The following CPOX variants were observed in gnomAD, a reference collection of about 807,000 sequenced individuals.
CPOX encodes the protein coproporphyrinogen oxidase, also known as oxygen-dependent coproporphyrinogen-III oxidase, mitochondrial.
A neutral mutation model predicts 48.9 loss-of-function variants in CPOX; 24 were observed. The observed-to-expected ratio is 0.49, with a 90% CI of 0.36 to 0.69. The LOEUF is 0.69. CPOX is among the 30% of genes least tolerant of loss of function. The pLI, the probability that CPOX is intolerant of heterozygous loss-of-function variation, is 0.00. For synonymous variants in CPOX, 249 were observed against 234.6 expected (o/e 1.06, Z -0.56); for missense variants, 549 against 597.3 (o/e 0.92, Z 0.84).
In CPOX at chr3:98,593,277, T is replaced by C. The variant is rs1442789444; in HGVS notation, c.228A>G (p.Thr76=). The C allele has an allele frequency of 6.8e-7, 1 of 1,476,112 alleles. No individual in the cohort carries two copies. Among genetic ancestry groups the C allele is most frequent in the East Asian group, 2.4e-5 (1 of 41,294 alleles). 91.4% of individuals were successfully genotyped at this position (1,476,112 alleles called of 1,614,324 possible). A position where few individuals can be genotyped will look rare whatever the true frequency, so the allele number is the denominator to read the frequency against. Residue 76 remains threonine (T), a synonymous_variant, in exon 1 of 7, where the codon ACA becomes ACG. Transcript: ENST00000647941. ...STSRGGPWVG[T]GLAAALAGLV... ...ACCCCGCCAGCGCCGCGGCCAGCCC[T>C]GTCCCCACCCAGGGGCCGCCTCTCG...
In CPOX at chr3:98,591,239, C is replaced by G. The variant is rs1334368737; in HGVS notation, c.557-84G>C. On this transcript the variant is annotated intron_variant, in intron 1 of 6. Coordinates refer to ENST00000647941, the MANE Select transcript of CPOX (RefSeq NM_000097.7). ...ACACTTGCATGAAGATGGTTATTTTCCCGTTTCCCAAATCTTTTATATCAG... is the reference window on the plus strand; with the variant it reads ...ACACTTGCATGAAGATGGTTATTTTGCCGTTTCCCAAATCTTTTATATCAG... 9.7e-6 allele frequency: 14 copies of G among 1,448,754 alleles called. No individual in the cohort carries two copies. In the African/African-American group the frequency reaches 2.0e-4, roughly 20 times the overall value. The allele number at this position is 1,448,754 out of a possible 1,614,324, so 89.7% of individuals were successfully genotyped here. A position where few individuals can be genotyped will look rare whatever the true frequency, so the allele number is the denominator to read the frequency against.
Position 98,580,236 on chromosome 3 carries a change from G to C in CPOX, c.*447C>G. 1 of 993,414 alleles carries C rather than the reference G, an allele frequency of 1.0e-6. No homozygotes were observed. Among genetic ancestry groups the C allele is most frequent in the African/African-American group, 1.7e-5 (1 of 57,330 alleles). The allele number at this position is 993,414 out of a possible 1,614,324, so 61.5% of individuals were successfully genotyped here. A position where few individuals can be genotyped will look rare whatever the true frequency, so the allele number is the denominator to read the frequency against. ...GACAAAGTAAAATTTTTACCTTCAA[G>C]TTGCATTCTAAAATTACTATGAAGT... On this transcript the variant is annotated 3_prime_UTR_variant, in exon 7 of 7. Coordinates refer to ENST00000647941, the MANE Select transcript of CPOX (RefSeq NM_000097.7).
chr3:98,576,059 T>C (rs1576294478), downstream of CPOX, among the ~76,000 whole-genome samples: 2 of 82,848 alleles, frequency 2.4e-5, no homozygotes, highest in Non-Finnish European at 4.3e-5. Flanking sequence ...GCAACAAGAG[T>C]GAAACTCTGC....
rs905315847 is a variant in CPOX, at chr3:98,593,314, T to A, written c.191A>T (p.His64Leu). The change falls in exon 1 of 7, where the codon CAC becomes CTC. Residue 64 changes from histidine to leucine, a missense_variant. By Grantham distance (99) the His-to-Leu change is moderately conservative (BLOSUM62 -3). Around this residue, in one of 2 missense-constraint regions of CPOX, gnomAD observed 336 missense variants for 318.1 expected, o/e 1.06. Coordinates refer to ENST00000647941, the MANE Select transcript of CPOX (RefSeq NM_000097.7). ...GGGGCCGCCTCTCGACGTCGAGCCG[T>A]GCCCCAGCCCGCGGCTCTGCTCCGT... The part of the protein sequence containing the change: ...AGTEQSRGLG[H>L]GSTSRGGPWV... 7.0e-7 allele frequency: 1 copy of A among 1,436,334 alleles called. No individual in the cohort carries two copies. Among genetic ancestry groups the A allele is most frequent in the African/African-American group, 1.5e-5 (1 of 68,544 alleles). The allele number at this position is 1,436,334 out of a possible 1,614,324, so 89.0% of individuals were successfully genotyped here.
At position 98,593,583 on chromosome 3, in the gene CPOX, T is replaced by C. The variant is rs556366082; in HGVS notation, c.-79A>G. The stretch of plus-strand genomic sequence containing the variant: ...GCCCCCCACCCAGACCCCCGGAGTA[T>C]TGAGCCGGCGAGCTGCACAGGCGGA... On this transcript the variant is annotated 5_prime_UTR_variant, in exon 1 of 7. Coordinates refer to ENST00000647941, the MANE Select transcript of CPOX (RefSeq NM_000097.7). 41 of 1,403,550 alleles carry C rather than the reference T, an allele frequency of 2.9e-5. No individual in the cohort carries two copies. The highest frequency in any genetic ancestry group is 2.4e-4 in the African/African-American group (16 of 67,778). 86.9% of individuals were successfully genotyped at this position (1,403,550 alleles called of 1,614,324 possible). A position where few individuals can be genotyped will look rare whatever the true frequency, so the allele number is the denominator to read the frequency against.
downstream of CPOX, among the ~76,000 whole-genome samples, chr3:98,577,204 A>G (rs1707176184): frequency 6.6e-6 from 1 of 152,154 alleles, no homozygotes; most frequent in Non-Finnish European, 1.5e-5. Flanking sequence ...ACTGAAGTGC[A>G]CAGAGAAATG....
downstream of CPOX, among the ~76,000 whole-genome samples, chr3:98,577,851 T>A (rs1707185071): frequency 6.6e-6 from 1 of 152,172 alleles, no homozygotes; most frequent in African/African-American, 2.4e-5. Context: ...AAGATTCCTG[T>A]CTCTAAATAT....
downstream of CPOX, chr3:98,578,134 A>G: frequency 2.4e-6 from 1 of 416,072 alleles, no homozygotes. Flanking sequence ...GTCTTCAGGT[A>G]GACTGAATTA....
At chr3:98,574,510 T>C (rs1707132026), downstream of CPOX, among the ~76,000 whole-genome samples, 1 of 152,232 alleles carries the variant, frequency 6.6e-6, no homozygotes, top group Non-Finnish European at 1.5e-5. Context: ...TCACGTTGAA[T>C]AGCACATAAG....
At chr3:98,585,912 C>T (rs1319945946) in intron 4 of CPOX, 1 of 402,252 alleles carries the variant, frequency 2.5e-6, no homozygotes, top group South Asian at 2.1e-5. Context: ...TTGCTCTGTC[C>T]CCCACGCTGG....
intron 3 of CPOX, among the ~76,000 whole-genome samples, chr3:98,589,455 C>A (rs953850095): frequency 6.6e-6 from 1 of 152,018 alleles, no homozygotes; most frequent in Non-Finnish European, 1.5e-5. Context: ...TGGATTGCAA[C>A]TCTGGCTGTA....
At chr3:98,587,991 T>C (rs1171358898) in intron 4 of CPOX, among the ~76,000 whole-genome samples, 1 of 152,198 alleles carries the variant, frequency 6.6e-6, no homozygotes, top group African/African-American at 2.4e-5. Flanking sequence ...AAGAGAATAT[T>C]CAAATGTTTC....
chr3:98,590,109 G>A (rs568515133), intron 3 of CPOX, among the ~76,000 whole-genome samples: 1 of 152,310 alleles, frequency 6.6e-6, no homozygotes, highest in South Asian at 2.1e-4. Flanking sequence ...GAGGAAATAT[G>A]GGAAGGTTAG....
intron 5 of CPOX, among the ~76,000 whole-genome samples, chr3:98,583,319 A>C (rs1259356117): frequency 1.3e-5 from 2 of 152,310 alleles, no homozygotes; most frequent in South Asian, 4.1e-4. Flanking sequence ...TAAAGTAGTT[A>C]ATTGCATTAA....
In CPOX at chr3:98,591,144, TGCC is replaced by T. The variant is rs778423283; in HGVS notation, c.565_567del (p.Gly189del). On this transcript the variant is annotated inframe_deletion, in exon 2 of 7. Coordinates refer to ENST00000647941, the MANE Select transcript of CPOX (RefSeq NM_000097.7). The stretch of plus-strand genomic sequence containing the variant: ...CACCCATCTTGAAGTACACAGCTGA[TGCC>T]GCCACCTCCTGTGTATAGAAATGTA... 5.3e-5 allele frequency: 86 copies of T among 1,614,088 alleles called. No homozygotes were observed. Among genetic ancestry groups the T allele is most frequent in the Non-Finnish European group, 6.8e-5 (80 of 1,180,040 alleles).
At chr3:98,571,704 AAG>A in the CPOX span, among the ~76,000 whole-genome samples, 1 of 149,546 alleles carries the variant, frequency 6.7e-6, no homozygotes, top group Admixed American at 6.7e-5. Flanking sequence ...AAAAAGAAAA[AAG>A]AAAAAAAAGA....
downstream of CPOX, among the ~76,000 whole-genome samples, chr3:98,575,332 T>C (rs1439630903): frequency 6.6e-6 from 1 of 152,238 alleles, no homozygotes; most frequent in African/African-American, 2.4e-5. Context: ...ACAAGTTTTA[T>C]GTTCAAACGC....
chr3:98,590,501 T>TG, intron 3 of CPOX, 131 bp downstream of exon 3: 1 of 725,610 alleles, frequency 1.4e-6, no homozygotes, highest in Admixed American at 2.0e-5. Flanking sequence ...GCCAAGAAAT[T>TG]GCCTTTACAT....
chr3:98,577,024 G>A (rs1405043500), downstream of CPOX, among the ~76,000 whole-genome samples: 1 of 152,070 alleles, frequency 6.6e-6, no homozygotes, highest in Non-Finnish European at 1.5e-5. Context: ...GGGTAGAAGA[G>A]ATTGACTCCA....
Sources: gnomAD v4.1 joint callset for allele counts (sites outside exome capture counted in the v4.1 genomes callset) on GRCh38, gnomAD v4.1.1 for gene constraint, gnomAD v4.1.1 regional missense constraint, MANE v1.5 for transcripts, NCBI Gene and HGNC (gene_info 2026-07-23, HGNC 2026-07-21) for gene names.